Variants in ADARB2 observed in about 807,000 individuals in gnomAD.
ADARB2 encodes the protein inactive double-stranded RNA-specific editase B2.
ADARB2 carries 25 observed loss-of-function variants against 62.2 expected under a neutral mutation model. The observed-to-expected ratio is 0.40, with a 90% CI of 0.29 to 0.56. The LOEUF (loss-of-function observed/expected upper bound fraction) is 0.56. Ranked by LOEUF, ADARB2 falls within the 20% of genes least tolerant of loss-of-function variation. ADARB2 has a pLI of 0.43. For synonymous variants in ADARB2, 572 were observed against 500.8 expected, an observed-to-expected ratio of 1.14 and a Z score of -1.90; for missense variants, 1,071 against 1,077.4, an observed-to-expected ratio of 0.99 and a Z score of 0.08.
At chr10:1,275,488 G>T (rs928062947) in intron 3 of ADARB2, among the ~76,000 whole-genome samples, 1 of 151,898 alleles carries the variant, frequency 6.6e-6, no homozygotes, top group Non-Finnish European at 1.5e-5. Context: ...CGACTCCACA[G>T]CCAGTCTTTC....
At chr10:1,202,180 C>G (rs376429362) in intron 7 of ADARB2, among the ~76,000 whole-genome samples, 1 of 151,812 alleles carries the variant, frequency 6.6e-6, no homozygotes, top group Non-Finnish European at 1.5e-5. Context: ...TGGGCTCAAG[C>G]GATCCTCCCA....
chr10:1,490,515 G>C (rs1359843731), intron 1 of ADARB2, among the ~76,000 whole-genome samples: 1 of 151,994 alleles, frequency 6.6e-6, no homozygotes, highest in East Asian at 1.9e-4. Flanking sequence ...AGTGCAGTGA[G>C]ACAATCAGGG....
intron 1 of ADARB2, among the ~76,000 whole-genome samples, chr10:1,682,287 A>G (rs1349144445): frequency 6.6e-6 from 1 of 152,180 alleles, no homozygotes; most frequent in East Asian, 1.9e-4. Flanking sequence ...CAAAGGAAGG[A>G]CCAGTGTCTG....
chr10:1,221,830 T>C (rs1345783837), intron 6 of ADARB2, among the ~76,000 whole-genome samples: 1 of 152,222 alleles, frequency 6.6e-6, no homozygotes, highest in East Asian at 1.9e-4. Context: ...GTTGGACATT[T>C]AGGTTGGTTC....
chr10:1,314,291 C>T (rs980489976), intron 3 of ADARB2, among the ~76,000 whole-genome samples: 9 of 152,190 alleles, frequency 5.9e-5, no homozygotes, highest in Admixed American at 3.3e-4. Context: ...CATCTCCCCT[C>T]GCAGGTCACC....
chr10:1,428,758 C>T (rs977929301), intron 1 of ADARB2, among the ~76,000 whole-genome samples: 1 of 152,004 alleles, frequency 6.6e-6, no homozygotes, highest in South Asian at 2.1e-4. Context: ...GTGTTCTTCA[C>T]AGTGATGGTG....
At chr10:1,407,799 C>T (rs532866552) in intron 1 of ADARB2, among the ~76,000 whole-genome samples, 5 of 152,308 alleles carry the variant, frequency 3.3e-5, no homozygotes, top group South Asian at 2.1e-4. Flanking sequence ...GGGTTGCTCT[C>T]GCCCGGCCTC....
At chr10:1,283,749 C>T (rs908386078) in intron 3 of ADARB2, among the ~76,000 whole-genome samples, 4 of 152,174 alleles carry the variant, frequency 2.6e-5, no homozygotes, top group Admixed American at 6.5e-5. Context: ...TCATGTGGCT[C>T]ACTGGACTTG....
At chr10:1,478,011 C>T (rs1831423618) in intron 1 of ADARB2, among the ~76,000 whole-genome samples, 1 of 152,154 alleles carries the variant, frequency 6.6e-6, no homozygotes, top group African/African-American at 2.4e-5. Flanking sequence ...TGGGTTCTCT[C>T]CCTGTGAAAA....
At chr10:1,387,236 T>C (rs190427194) in intron 1 of ADARB2, among the ~76,000 whole-genome samples, 184 of 151,942 alleles carry the variant, frequency 1.2e-3, no homozygotes, top group African/African-American at 4.3e-3. Context: ...AAACCAAAGT[T>C]GTTAGAGGAA....
In ADARB2 at chr10:1,566,063, CAA is replaced by C. The variant is rs376967105; in HGVS notation, c.100+170986_100+170987del. Among the ~76,000 whole-genome samples the C allele has an allele frequency of 3.9e-5, 5 of 128,040 alleles. 1 individual carries two copies. The highest frequency in any genetic ancestry group is 1.5e-4 in the African/African-American group (5 of 33,374). The allele number at this position is 128,040 out of a possible 152,430, so 84.0% of individuals were successfully genotyped here. On this transcript the variant is annotated intron_variant, in intron 1 of 9. Coordinates refer to ENST00000381312, the MANE Select transcript of ADARB2 (RefSeq NM_018702.4). ...CTCCTCTAGGTTGAGCTCAGTCTAG[CAA>C]AAAAAAAAAAAAAAAAAAAAAAAAA...
intron 1 of ADARB2, among the ~76,000 whole-genome samples, chr10:1,568,440 C>T (rs1832886441): frequency 6.6e-6 from 1 of 152,188 alleles, no homozygotes; most frequent in African/African-American, 2.4e-5. Flanking sequence ...CCAAACTTCT[C>T]ACCAGTCAAC....
intron 1 of ADARB2, among the ~76,000 whole-genome samples, chr10:1,543,834 C>T (rs532127269): frequency 4.4e-4 from 67 of 152,280 alleles, no homozygotes; most frequent in Non-Finnish European, 8.8e-4. Flanking sequence ...ATTAAGTTTA[C>T]AGCCCGCCCG....
chr10:1,649,341 G>A (rs1180394276), intron 1 of ADARB2, among the ~76,000 whole-genome samples: 1 of 152,206 alleles, frequency 6.6e-6, no homozygotes, highest in Non-Finnish European at 1.5e-5. Flanking sequence ...CTCTACATGT[G>A]CAATCTTCAG....
chr10:1,636,167 A>G (rs1370611599), intron 1 of ADARB2, among the ~76,000 whole-genome samples: 1 of 152,164 alleles, frequency 6.6e-6, no homozygotes, highest in Admixed American at 6.5e-5. Flanking sequence ...GGTGCAAGAC[A>G]TAAAGCAAGG....
At chr10:1,720,170 T>TA (rs1835072278) in intron 1 of ADARB2, among the ~76,000 whole-genome samples, 1 of 152,196 alleles carries the variant, frequency 6.6e-6, no homozygotes, top group African/African-American at 2.4e-5. Context: ...GAGGTCCACA[T>TA]ACACTGTGGA....
chr10:1,694,449 C>A (rs952924432), intron 1 of ADARB2, among the ~76,000 whole-genome samples: 6 of 151,836 alleles, frequency 4.0e-5, no homozygotes, highest in African/African-American at 7.3e-5. Context: ...TTCACTCTTA[C>A]TTAGTCTTAA....
chr10:1,417,929 C>T lies in ADARB2; in HGVS notation c.101-38769G>A, dbSNP rs144718538. ...ACGCCAGGGTGCATGGGGAAAATGG[C>T]GGACAGAGATCTGCATATTTGTTTA... On this transcript the variant is annotated intron_variant, in intron 1 of 9. Transcript: ENST00000381312. 4.5e-4 allele frequency among the ~76,000 whole-genome samples: 68 copies of T among 152,308 alleles called. No homozygotes were observed. The East Asian group carries it at 5.2e-3, about 12-fold the overall frequency.
At chr10:1,407,008 G>A (rs1283141737) in intron 1 of ADARB2, among the ~76,000 whole-genome samples, 1 of 152,230 alleles carries the variant, frequency 6.6e-6, no homozygotes, top group Non-Finnish European at 1.5e-5. Context: ...CCTGGGGGAT[G>A]CGTCTCCTCC....
Sources: allele counts gnomAD v4.1 joint callset (sites outside exome capture counted in the v4.1 genomes callset), GRCh38; gene constraint gnomAD v4.1.1; transcripts MANE v1.5; gene names NCBI Gene and HGNC (gene_info 2026-07-23, HGNC 2026-07-21).